SLC45A1: variants seen among roughly 807,000 people sequenced by gnomAD.
The protein encoded by SLC45A1 is solute carrier family 45 member 1.
Under a neutral mutation model 57.6 loss-of-function variants are expected in SLC45A1, and 28 were observed. That is an observed-to-expected ratio of 0.49 (90% CI 0.36 to 0.67). SLC45A1 has a LOEUF of 0.67. SLC45A1 is among the 30% of genes least tolerant of loss of function. The pLI, the probability that SLC45A1 is intolerant of heterozygous loss-of-function variation, is 0.00. For synonymous variants in SLC45A1, 459 were observed against 471.5 expected (o/e 0.97, Z 0.34); for missense variants, 814 against 1,041.5 (o/e 0.78, Z 3.01).
intron 1 of SLC45A1, among the ~76,000 whole-genome samples, chr1:8,322,122 AGTGGGTGGATGGATGG>A (rs1183760696): frequency 2.5e-5 from 1 of 39,364 alleles, no homozygotes; most frequent in Non-Finnish European, 4.7e-5. Flanking sequence ...TTGGTGACTG[AGTGGGTGGATGGATGG>A]GTGGGTGCGT....
intron 1 of SLC45A1, among the ~76,000 whole-genome samples, chr1:8,319,995 G>A (rs1379632252): frequency 6.6e-6 from 1 of 152,172 alleles, no homozygotes; most frequent in African/African-American, 2.4e-5. Flanking sequence ...TGGCATTACA[G>A]GCGTCAGCCA....
At chr1:8,342,570 C>G (rs1335317548) in intron 8 of SLC45A1, among the ~76,000 whole-genome samples, 1 of 152,168 alleles carries the variant, frequency 6.6e-6, no homozygotes, top group Admixed American at 6.5e-5. Flanking sequence ...CTGTGGGCTT[C>G]GAGCTCCATC....
chr1:8,324,643 C>T lies in SLC45A1; in HGVS notation c.314C>T (p.Thr105Met), dbSNP rs762771884. The T allele has an allele frequency of 1.2e-5, 20 of 1,606,082 alleles. No homozygotes were observed. Among genetic ancestry groups the T allele is most frequent in the East Asian group, 6.8e-5 (3 of 44,432 alleles). Residue 105 changes from threonine (T) to methionine (M), a missense_variant, in exon 2 of 9, where the codon ACG becomes ATG. Transcript: ENST00000471889. ...FGIEFSYAME[T>M]AYVTPVLLQM... ...ATCGAGTTCAGCTACGCCATGGAGA[C>T]GGCGTACGTGACCCCGGTGCTCCTG...
At position 8,343,084 on chromosome 1, in the gene SLC45A1, TG is replaced by T. The variant is rs1252897484; in HGVS notation, c.1981-657del. Among the ~76,000 whole-genome samples the T allele has an allele frequency of 6.6e-6, 1 of 152,068 alleles. No homozygotes were observed. ...CTGGCCCTGAGCACAGCCCTTCTGA[TG>T]GGGGGAAGCCGCAGGGGAGGCCCAG... On this transcript the variant is annotated intron_variant, in intron 8 of 8. Transcript: ENST00000471889. This position sits in a 1 kb window ranked among gnomAD's most constrained non-coding sequence, Gnocchi z 7.7.
In SLC45A1 at chr1:8,324,534, C is replaced by G. The variant is rs1489482687; in HGVS notation, c.205C>G (p.Pro69Ala). The change falls in exon 2 of 9, where the codon CCG (proline) becomes GCG (alanine). Residue 69 changes from proline (P) to alanine (A), a missense_variant. By Grantham distance (27) the Pro-to-Ala change is conservative. Transcript: ENST00000471889. ...ACCCCCGCCCCCCAACACCCCGTGC[C>G]CGCTTGAGCTGGTGGACTTCGGGGA... ...SPPPPPNTPC[P>A]LELVDFGDLH... The G allele has an allele frequency of 3.1e-6, 5 of 1,611,720 alleles. No individual in the cohort carries two copies. The East Asian group carries it at 8.9e-5, about 29-fold the overall frequency.
Position 8,339,702 on chromosome 1 carries a change from A to G in SLC45A1, c.1980+4A>G. ...CGATTACTATCAGAGTAAGAAGGTA[A>G]GTGCTCTCCCTTGTCTTGCTTCGGG... On this transcript the variant is annotated splice_donor_region_variant and intron_variant, in intron 8 of 8. Transcript: ENST00000471889. 2 of 1,613,362 alleles carry G rather than the reference A, an allele frequency of 1.2e-6. No individual in the cohort carries two copies. The highest frequency in any genetic ancestry group is 1.7e-6 in the Non-Finnish European group (2 of 1,179,290).
At chr1:8,331,458 T>A (rs926558324) in intron 5 of SLC45A1, among the ~76,000 whole-genome samples, 14 of 150,810 alleles carry the variant, frequency 9.3e-5, no homozygotes, top group South Asian at 2.1e-4. Context: ...AAAATATTTT[T>A]AAAAAATACT....
chr1:8,332,803 A>T (rs1263970120), intron 5 of SLC45A1, among the ~76,000 whole-genome samples: 1 of 151,988 alleles, frequency 6.6e-6, no homozygotes, highest in Non-Finnish European at 1.5e-5. Flanking sequence ...GAGCAACCAC[A>T]CCCGGCCAGA....
chr1:8,321,679 G>A (rs984672659), intron 1 of SLC45A1, among the ~76,000 whole-genome samples: 5 of 152,110 alleles, frequency 3.3e-5, no homozygotes, highest in South Asian at 4.2e-4. Context: ...TTGGAAGGGG[G>A]GATAGGTAGA....
At position 8,330,143 on chromosome 1, in the gene SLC45A1, C is replaced by T. The variant is rs1054247883; in HGVS notation, c.716-66C>T. The T allele has an allele frequency of 1.8e-5, 28 of 1,561,546 alleles. No individual in the cohort carries two copies. The highest frequency in any genetic ancestry group is 7.2e-5 in the South Asian group (6 of 83,316). Reference sequence around the variant, plus strand: ...GGCTACCTTCATGTCCTTCTAAGAACGGGGCCACCGCGTTTGGGGCTTCTC... The same window carrying T: ...GGCTACCTTCATGTCCTTCTAAGAATGGGGCCACCGCGTTTGGGGCTTCTC... On this transcript the variant is annotated intron_variant, in intron 4 of 8. Transcript: ENST00000471889. This position sits in a 1 kb window ranked among gnomAD's most constrained non-coding sequence, Gnocchi z 8.4.
At chr1:8,337,259 C>T (rs1278343661) in intron 6 of SLC45A1, among the ~76,000 whole-genome samples, 1 of 152,166 alleles carries the variant, frequency 6.6e-6, no homozygotes, top group African/African-American at 2.4e-5. Flanking sequence ...GACTTATTCA[C>T]TATCATGAGA....
rs1478307510 is a variant in SLC45A1 at position 8,327,660 on chromosome 1, A to C, written c.715+1618A>C. 6.6e-6 allele frequency among the ~76,000 whole-genome samples: 1 copy of C among 152,156 alleles called. No homozygotes were observed. Among genetic ancestry groups the C allele is most frequent in the Non-Finnish European group, 1.5e-5 (1 of 68,026 alleles). ...ATCTCTAAAAACATAAGATTAAATAAATAAATAACTCTAGCTTGTCTATAT... is the reference window on the plus strand; with the variant it reads ...ATCTCTAAAAACATAAGATTAAATACATAAATAACTCTAGCTTGTCTATAT... On this transcript the variant is annotated intron_variant, in intron 4 of 8. Transcript: ENST00000471889. The surrounding 1 kb of genome is among the most constrained non-coding windows in gnomAD (Gnocchi z 4.3).
In SLC45A1 at chr1:8,330,824, A is replaced by C; in HGVS notation, c.1331A>C (p.Lys444Thr). 6.2e-7 allele frequency: 1 copy of C among 1,613,492 alleles called. No individual in the cohort carries two copies. The highest frequency in any genetic ancestry group is 8.5e-7 in the Non-Finnish European group (1 of 1,180,038). The change falls in exon 5 of 9, where the codon AAG becomes ACG. Residue 444 changes from lysine (K) to threonine (T), a missense_variant. Transcript: ENST00000471889. The surrounding 1 kb of genome is among the most constrained non-coding windows in gnomAD (Gnocchi z 8.4). ...ILRVGSLDTS[K>T]PRSSGILKRP... ...AGGGTGGGCTCCTTGGACACCTCTAAGCCGAGGTCATCAGGGATTCTGAAG... is the reference window on the plus strand; with the variant it reads ...AGGGTGGGCTCCTTGGACACCTCTACGCCGAGGTCATCAGGGATTCTGAAG...
rs1273711904 is a variant in SLC45A1, at chr1:8,339,536, C to A, written c.1818C>A (p.Leu606=). Residue 606 remains leucine, a synonymous_variant, in exon 8 of 9, where the codon CTC becomes CTA. Transcript: ENST00000471889. The part of the protein sequence containing the change: ...KLEEFLSVRT[L]YFIAYLAFGL... ...AGGAGTTCCTCAGCGTCCGCACCCT[C>A]TACTTCATCGCCTATCTCGCCTTCG... 1 of 1,614,224 alleles carries A rather than the reference C, an allele frequency of 6.2e-7. No individual in the cohort carries two copies. The highest frequency in any genetic ancestry group is 8.5e-7 in the Non-Finnish European group (1 of 1,180,032).
chr1:8,332,493 G>T (rs1640445502), intron 5 of SLC45A1, among the ~76,000 whole-genome samples: 1 of 151,752 alleles, frequency 6.6e-6, no homozygotes, highest in Non-Finnish European at 1.5e-5. Flanking sequence ...CAACTGATCT[G>T]TGGGGTTTCA....
intron 8 of SLC45A1, among the ~76,000 whole-genome samples, chr1:8,340,231 C>T (rs1406721512): frequency 2.7e-5 from 4 of 149,428 alleles, no homozygotes. Flanking sequence ...GGTGCGATCT[C>T]GGCTCACTGC....
At chr1:8,332,092 G>A (rs187204782) in intron 5 of SLC45A1, among the ~76,000 whole-genome samples, 11 of 152,250 alleles carry the variant, frequency 7.2e-5, no homozygotes, top group Admixed American at 3.3e-4. Context: ...GCGCCCGGCC[G>A]ACAACTCTTT....
At chr1:8,342,186 G>C (rs560637183) in intron 8 of SLC45A1, among the ~76,000 whole-genome samples, 2 of 150,570 alleles carry the variant, frequency 1.3e-5, no homozygotes, top group African/African-American at 2.4e-5. Flanking sequence ...CAGCCTGGGC[G>C]ACAGAGTGAG....
chr1:8,332,065 T>C (rs1640428236), intron 5 of SLC45A1, among the ~76,000 whole-genome samples: 1 of 152,230 alleles, frequency 6.6e-6, no homozygotes, highest in Admixed American at 6.5e-5. Context: ...GTGCTGCGAT[T>C]ACAGGCGTGA....
Sources: allele counts gnomAD v4.1 joint callset (sites outside exome capture counted in the v4.1 genomes callset), GRCh38; gene constraint gnomAD v4.1.1; non-coding constraint Gnocchi (gnomAD v3.1); transcripts MANE v1.5; gene names NCBI Gene and HGNC (gene_info 2026-07-23, HGNC 2026-07-21).